NELL1: variants seen among roughly 807,000 people sequenced by gnomAD.
The protein encoded by NELL1 is neural EGFL like 1, also known as protein kinase C-binding protein NELL1.
Under a neutral mutation model 107.4 loss-of-function variants are expected in NELL1, and 76 were observed. The observed-to-expected ratio is 0.71, with a 90% CI of 0.59 to 0.86. The LOEUF (loss-of-function observed/expected upper bound fraction) is 0.86. Ranked by LOEUF, NELL1 falls within the 40% of genes least tolerant of loss-of-function variation. NELL1 has a pLI of 0.00. For missense variants in NELL1, 1,024 were observed against 1,005.5 expected (o/e 1.02, Z -0.25); for synonymous variants, 353 against 341.2 (o/e 1.03, Z -0.38).
intron 12 of NELL1, among the ~76,000 whole-genome samples, chr11:20,961,557 A>G (rs1849300148): frequency 6.6e-6 from 1 of 152,188 alleles, no homozygotes; most frequent in Non-Finnish European, 1.5e-5. Context: ...AGGTATTCTA[A>G]AGGTAAAGAC....
intron 2 of NELL1, among the ~76,000 whole-genome samples, chr11:20,717,321 G>A (rs1309467501): frequency 1.3e-5 from 2 of 152,128 alleles, no homozygotes; most frequent in Non-Finnish European, 1.5e-5. Context: ...ATGGTCTTAC[G>A]TTTGTCCCAC....
chr11:21,388,032 A>G (rs1851786536), intron 15 of NELL1, among the ~76,000 whole-genome samples: 1 of 151,628 alleles, frequency 6.6e-6, no homozygotes, highest in African/African-American at 2.4e-5. Flanking sequence ...GCTAAGAACA[A>G]GGGGACAGCT....
intron 12 of NELL1, among the ~76,000 whole-genome samples, chr11:20,965,432 C>G (rs1456335043): frequency 6.6e-6 from 1 of 152,060 alleles, no homozygotes; most frequent in Non-Finnish European, 1.5e-5. Context: ...GAGACCAATA[C>G]TTTGAGAAAG....
At chr11:21,334,560 G>C (rs887414203) in intron 14 of NELL1, among the ~76,000 whole-genome samples, 1 of 151,724 alleles carries the variant, frequency 6.6e-6, no homozygotes, top group Non-Finnish European at 1.5e-5. Flanking sequence ...CTGTCTCTCT[G>C]TTTTCCCCTA....
intron 11 of NELL1, among the ~76,000 whole-genome samples, chr11:20,949,516 A>G (rs1313243091): frequency 1.3e-5 from 2 of 152,166 alleles, no homozygotes; most frequent in African/African-American, 4.8e-5. Context: ...ATCACTTGCT[A>G]TTTGTTGGGG....
intron 2 of NELL1, among the ~76,000 whole-genome samples, chr11:20,704,205 G>GTA (rs1183682639): frequency 6.6e-6 from 1 of 152,158 alleles, no homozygotes; most frequent in Admixed American, 6.5e-5. Context: ...GGGTGCATAT[G>GTA]TATTTAGGAT....
intron 14 of NELL1, among the ~76,000 whole-genome samples, chr11:21,314,006 C>G (rs1388530347): frequency 7.6e-5 from 8 of 105,708 alleles, no homozygotes; most frequent in African/African-American, 1.9e-4. Flanking sequence ...CCCCCCCCCC[C>G]CCCGCGACCC....
intron 12 of NELL1, among the ~76,000 whole-genome samples, chr11:21,088,313 G>A (rs1004741954): frequency 2.6e-5 from 4 of 152,118 alleles, no homozygotes; most frequent in East Asian, 1.9e-4. Context: ...TGCTGGATCT[G>A]TGTTTCACAA....
At chr11:21,391,809 C>A (rs926102255) in intron 15 of NELL1, among the ~76,000 whole-genome samples, 1 of 151,650 alleles carries the variant, frequency 6.6e-6, no homozygotes, top group Non-Finnish European at 1.5e-5. Context: ...TTATCTTCAC[C>A]TTTTCTTAAA....
chr11:21,017,082 T>C (rs191840608), intron 12 of NELL1, among the ~76,000 whole-genome samples: 3 of 152,238 alleles, frequency 2.0e-5, no homozygotes, highest in Admixed American at 2.0e-4. Context: ...AAAGGTCCCT[T>C]CTGCATCATA....
intron 18 of NELL1, among the ~76,000 whole-genome samples, chr11:21,572,923 A>G (rs1371694397): frequency 6.6e-6 from 1 of 151,934 alleles, no homozygotes; most frequent in Non-Finnish European, 1.5e-5. Context: ...TCATGTTAAA[A>G]TAATTATAGG....
At chr11:20,996,808 A>G (rs1259064474) in intron 12 of NELL1, among the ~76,000 whole-genome samples, 1 of 151,972 alleles carries the variant, frequency 6.6e-6, no homozygotes, top group African/African-American at 2.4e-5. Flanking sequence ...TAGGGTTTTT[A>G]TCTTCCCGAT....
chr11:20,795,510 A>G (rs1017835948), intron 3 of NELL1, among the ~76,000 whole-genome samples: 4 of 152,210 alleles, frequency 2.6e-5, no homozygotes, highest in African/African-American at 9.6e-5. Context: ...ATTTTTTCGG[A>G]TTCAAATGTG....
intron 15 of NELL1, among the ~76,000 whole-genome samples, chr11:21,386,686 G>GT: frequency 6.6e-6 from 1 of 152,022 alleles, no homozygotes; most frequent in East Asian, 2.0e-4. Context: ...TGAAGGGCAA[G>GT]GCTGACATTT....
intron 18 of NELL1, among the ~76,000 whole-genome samples, chr11:21,571,611 ATAC>A (rs150127839): frequency 0.012 from 1,894 of 152,008 alleles, 38 homozygotes; most frequent in East Asian, 0.072. Context: ...ATCTTTTCAG[ATAC>A]TACATGTTTA....
intron 13 of NELL1, among the ~76,000 whole-genome samples, chr11:21,196,396 C>G (rs760896016): frequency 6.6e-6 from 1 of 152,138 alleles, no homozygotes; most frequent in Non-Finnish European, 1.5e-5. Context: ...CCCATTTTCT[C>G]ACTCCACTTC....
intron 11 of NELL1, among the ~76,000 whole-genome samples, chr11:20,952,026 G>A (rs779104067): frequency 1.9e-4 from 28 of 147,540 alleles, no homozygotes; most frequent in Admixed American, 1.5e-3. Context: ...AAGACTGCTC[G>A]TGAATTTCTG....
Position 20,712,565 on chromosome 11 carries a change from A to G in NELL1, c.184+34505A>G, listed in dbSNP as rs138161221. ...GTTATAGAACCTGTTTTGTCATGTT[A>G]TCAGAATTACTTTTTTGGTTCCTTC... On this transcript the variant is annotated intron_variant, in intron 2 of 19. Coordinates refer to ENST00000357134, the MANE Select transcript of NELL1 (RefSeq NM_006157.5). Among the ~76,000 whole-genome samples the G allele has an allele frequency of 4.5e-3, 687 of 152,282 alleles. 7 individuals carry two copies. Among genetic ancestry groups the G allele is most frequent in the African/African-American group, 0.015 (638 of 41,550 alleles).
chr11:20,872,339 C>A (rs1366643454), intron 4 of NELL1, among the ~76,000 whole-genome samples: 2 of 151,882 alleles, frequency 1.3e-5, no homozygotes, highest in Non-Finnish European at 2.9e-5. Flanking sequence ...TGCCACCGTG[C>A]CTAGCTAATT....
Sources: gnomAD v4.1 joint callset for allele counts (sites outside exome capture counted in the v4.1 genomes callset) on GRCh38, gnomAD v4.1.1 for gene constraint, MANE v1.5 for transcripts, NCBI Gene and HGNC (gene_info 2026-07-23, HGNC 2026-07-21) for gene names.